CTNNA3: variants seen among roughly 807,000 people sequenced by gnomAD.
CTNNA3 encodes the protein catenin alpha-3.
A neutral mutation model predicts 95.7 loss-of-function variants in CTNNA3; 76 were observed. The ratio of observed to expected loss-of-function variants is 0.79; its 90% CI spans 0.66 to 0.96. CTNNA3 has a LOEUF of 0.96. Ranked by LOEUF, CTNNA3 falls within the 40% of genes least tolerant of loss-of-function variation. CTNNA3 has a pLI of 0.00. For synonymous variants in CTNNA3, 431 were observed against 374.4 expected (o/e 1.15, Z -1.74); for missense variants, 1,191 against 1,089.8 (o/e 1.09, Z -1.31).
intron 5 of CTNNA3, among the ~76,000 whole-genome samples, chr10:67,278,174 T>C (rs901359099): frequency 6.6e-6 from 1 of 152,204 alleles, no homozygotes; most frequent in African/African-American, 2.4e-5. Context: ...CAAAGATTTT[T>C]ACAGTAATTT....
At chr10:65,941,441 G>A (rs1564528444) in intron 17 of CTNNA3, among the ~76,000 whole-genome samples, 2 of 152,278 alleles carry the variant, frequency 1.3e-5, no homozygotes, top group East Asian at 1.9e-4. Context: ...AAGAAAATGC[G>A]TTCAATATGC....
chr10:66,840,372 T>TCTCTCTCA (rs1843023433), intron 7 of CTNNA3, among the ~76,000 whole-genome samples: 28 of 71,374 alleles, frequency 3.9e-4, no homozygotes, highest in East Asian at 2.1e-3. Context: ...TCTCTCTCTC[T>TCTCTCTCA]CACACACACA....
At chr10:66,816,815 AT>A (rs1340616427) in intron 7 of CTNNA3, among the ~76,000 whole-genome samples, 5 of 152,112 alleles carry the variant, frequency 3.3e-5, no homozygotes, top group African/African-American at 1.2e-4. Flanking sequence ...GATTTAAATA[AT>A]ATAAAGTACG....
At chr10:66,506,020 A>C (rs72793603) in intron 11 of CTNNA3, among the ~76,000 whole-genome samples, 23,194 of 152,210 alleles carry the variant, frequency 0.15, 1,845 homozygotes, top group Non-Finnish European at 0.17. Flanking sequence ...TGAGGGCTTC[A>C]GGCTGCTTCC....
chr10:67,106,611 G>A (rs893836651), intron 7 of CTNNA3, among the ~76,000 whole-genome samples: 2 of 152,080 alleles, frequency 1.3e-5, no homozygotes, highest in African/African-American at 4.8e-5. Context: ...TTTTCCCTTA[G>A]AAAGATAAGA....
chr10:67,678,187 G>C (rs1486594787), intron 1 of CTNNA3, among the ~76,000 whole-genome samples: 1 of 152,044 alleles, frequency 6.6e-6, no homozygotes, highest in Non-Finnish European at 1.5e-5. Flanking sequence ...AGATGTAAGG[G>C]AAAATTATCA....
At chr10:67,114,677 A>T (rs914140909) in intron 7 of CTNNA3, among the ~76,000 whole-genome samples, 8 of 149,294 alleles carry the variant, frequency 5.4e-5, no homozygotes, top group African/African-American at 2.0e-4. Flanking sequence ...ATAACACACT[A>T]TTAATAAATC....
At chr10:66,718,609 CTG>C (rs1272113729) in intron 9 of CTNNA3, among the ~76,000 whole-genome samples, 1 of 148,700 alleles carries the variant, frequency 6.7e-6, no homozygotes, top group Admixed American at 6.7e-5. Flanking sequence ...TATAATAAAA[CTG>C]TAATATTATA....
rs1463229233 is a variant in CTNNA3, at chr10:66,191,653, TC to T, written c.1885-88405del. 2.0e-4 allele frequency among the ~76,000 whole-genome samples: 30 copies of T among 151,608 alleles called. 1 individual carries two copies. The highest frequency in any genetic ancestry group is 7.3e-4 in the African/African-American group (30 of 41,372). On this transcript the variant is annotated intron_variant, in intron 13 of 17. Transcript: ENST00000433211. ...AAAACTCCTGTAGCACCCATGTATATCTCTATTCCTGACTTAGCCTAGACAC... is the reference window on the plus strand; with the variant it reads ...AAAACTCCTGTAGCACCCATGTATATTCTATTCCTGACTTAGCCTAGACAC...
chr10:66,816,142 T>C (rs1216801652), intron 7 of CTNNA3, among the ~76,000 whole-genome samples: 1 of 152,150 alleles, frequency 6.6e-6, no homozygotes, highest in Non-Finnish European at 1.5e-5. Flanking sequence ...TTTCCATAAT[T>C]TAATGTGTTA....
At position 65,939,344 on chromosome 10, in the gene CTNNA3, A is replaced by G. The variant is rs546742466; in HGVS notation, c.2401-18727T>C. Among the ~76,000 whole-genome samples, 34 of 152,302 alleles carry G rather than the reference A, an allele frequency of 2.2e-4. 1 individual carries two copies. Among genetic ancestry groups the G allele is most frequent in the Admixed American group, 2.0e-3 (31 of 15,302 alleles). ...ATGCAGGTTGGACTGAATGACTTATAAAGTCCCAACCAGTTCTACAATTTT... is the reference window on the plus strand; with the variant it reads ...ATGCAGGTTGGACTGAATGACTTATGAAGTCCCAACCAGTTCTACAATTTT... On this transcript the variant is annotated intron_variant, in intron 17 of 17. Transcript: ENST00000433211.
At position 66,446,963 on chromosome 10, in the gene CTNNA3, C is replaced by T. The variant is rs912708156; in HGVS notation, c.1532-67611G>A. Among the ~76,000 whole-genome samples the T allele has an allele frequency of 1.2e-3, 182 of 151,824 alleles. 2 individuals carry two copies. Among genetic ancestry groups the T allele is most frequent in the African/African-American group, 4.0e-3 (166 of 41,302 alleles). ...CCCAAAATCTCCTTAAGCTGATAAG[C>T]AACTTCAGCAAAGTCTCAGGATACA... On this transcript the variant is annotated intron_variant, in intron 11 of 17. Coordinates refer to ENST00000433211, the MANE Select transcript of CTNNA3 (RefSeq NM_013266.4).
At chr10:66,131,725 T>C (rs926209288) in intron 13 of CTNNA3, among the ~76,000 whole-genome samples, 2 of 151,904 alleles carry the variant, frequency 1.3e-5, no homozygotes, top group African/African-American at 4.8e-5. Flanking sequence ...GAATAGAGAA[T>C]AGAGAGCCCA....
chr10:67,440,103 C>G (rs190906137), intron 5 of CTNNA3, among the ~76,000 whole-genome samples: 3 of 152,236 alleles, frequency 2.0e-5, no homozygotes, highest in African/African-American at 4.8e-5. Context: ...GAAGGGAGCC[C>G]ACATCCCTTA....
chr10:66,199,942 G>A (rs528035525), intron 13 of CTNNA3, among the ~76,000 whole-genome samples: 48 of 146,228 alleles, frequency 3.3e-4, no homozygotes, highest in African/African-American at 8.2e-4. Flanking sequence ...GTGAGCCACC[G>A]CGCCCAGCCA....
chr10:67,597,012 C>T (rs1001275718), intron 3 of CTNNA3, among the ~76,000 whole-genome samples: 4 of 152,174 alleles, frequency 2.6e-5, no homozygotes, highest in Admixed American at 2.0e-4. Context: ...AAGAACCATC[C>T]TTCAAGCTCT....
Position 67,326,282 on chromosome 10 carries a change from T to A in CTNNA3, c.580-106412A>T, listed in dbSNP as rs375612917. Among the ~76,000 whole-genome samples, 16 of 152,340 alleles carry A rather than the reference T, an allele frequency of 1.1e-4. No individual in the cohort carries two copies. The South Asian group carries it at 2.9e-3, about 28-fold the overall frequency. ...ATCCTGTCATCATGACGTTACCTGG[T>A]TGTTTTGCAGACTTGTTTATGTAGT... On this transcript the variant is annotated intron_variant, in intron 5 of 17. Transcript: ENST00000433211.
intron 5 of CTNNA3, among the ~76,000 whole-genome samples, chr10:67,466,690 GTCAAGCGGTGT>G (rs1248247111): frequency 1.3e-5 from 2 of 152,152 alleles, no homozygotes; most frequent in African/African-American, 2.4e-5. Context: ...ACTATGAGAT[GTCAAGCGGTGT>G]TTGAAAATCT....
At chr10:66,502,344 T>G (rs192730284) in intron 11 of CTNNA3, among the ~76,000 whole-genome samples, 2 of 152,286 alleles carry the variant, frequency 1.3e-5, no homozygotes, top group African/African-American at 4.8e-5. Flanking sequence ...CCCTGACATC[T>G]ACTTCTCCTA....
Sources: allele counts gnomAD v4.1 joint callset (sites outside exome capture counted in the v4.1 genomes callset), GRCh38; gene constraint gnomAD v4.1.1; transcripts MANE v1.5; gene names NCBI Gene and HGNC (gene_info 2026-07-23, HGNC 2026-07-21).